Variants in RFTN2 observed in about 807,000 individuals in gnomAD.
The protein encoded by RFTN2 is raftlin family member 2.
Under a neutral mutation model 52.7 loss-of-function variants are expected in RFTN2, and 34 were observed. The ratio of observed to expected loss-of-function variants is 0.64; its 90% CI spans 0.49 to 0.86. The LOEUF is 0.86. Ranked by LOEUF, RFTN2 falls within the 40% of genes least tolerant of loss-of-function variation. RFTN2 has a pLI of 0.00. For missense variants in RFTN2, 536 were observed against 600.1 expected (o/e 0.89, Z 1.12); for synonymous variants, 203 against 217.7 (o/e 0.93, Z 0.59).
chr2:197,619,055 G>T (rs1468694211), intron 5 of RFTN2, among the ~76,000 whole-genome samples: 6 of 151,438 alleles, frequency 4.0e-5, no homozygotes, highest in African/African-American at 1.2e-4. Context: ...CGGGAGGTGA[G>T]GGGTGCCTCT....
chr2:197,619,884 T>C (rs2106217021), intron 5 of RFTN2, among the ~76,000 whole-genome samples: 1 of 150,342 alleles, frequency 6.7e-6, no homozygotes, highest in South Asian at 2.1e-4. Context: ...TTTTTTTTAC[T>C]TCACTGAATT....
chr2:197,613,475 C>T (rs1473964217), intron 7 of RFTN2, among the ~76,000 whole-genome samples: 1 of 152,200 alleles, frequency 6.6e-6, no homozygotes, highest in African/African-American at 2.4e-5. Flanking sequence ...CAGCTCATAA[C>T]CATTCCTCTA....
At chr2:197,671,458 A>G (rs2089146204) in intron 1 of RFTN2, among the ~76,000 whole-genome samples, 1 of 152,346 alleles carries the variant, frequency 6.6e-6, no homozygotes, top group East Asian at 1.9e-4. Context: ...CACTCATTCA[A>G]CAAAGAATAT....
intron 7 of RFTN2, among the ~76,000 whole-genome samples, chr2:197,605,365 G>C (rs1247979512): frequency 6.6e-6 from 1 of 151,900 alleles, no homozygotes; most frequent in South Asian, 2.1e-4. Flanking sequence ...ACAGGCGCCC[G>C]CCACCACGCC....
At chr2:197,608,860 CTTA>C (rs1461707592) in intron 7 of RFTN2, among the ~76,000 whole-genome samples, 35 of 151,932 alleles carry the variant, frequency 2.3e-4, no homozygotes, top group Non-Finnish European at 5.0e-4. Context: ...TCAACTCCCA[CTTA>C]TTAGTGAGAA....
chr2:197,599,043 C>T (rs1446378765), intron 7 of RFTN2, among the ~76,000 whole-genome samples: 1 of 151,962 alleles, frequency 6.6e-6, no homozygotes, highest in Non-Finnish European at 1.5e-5. Flanking sequence ...GCTCCGCCTC[C>T]CGGGTTCACG....
At chr2:197,660,107 T>C (rs1281052001) in intron 1 of RFTN2, among the ~76,000 whole-genome samples, 4 of 152,218 alleles carry the variant, frequency 2.6e-5, no homozygotes, top group Admixed American at 2.6e-4. Flanking sequence ...AGGCTGTGAT[T>C]GAACCCAGAC....
chr2:197,634,056 T>C (rs553917776), intron 3 of RFTN2, 59 bp from the exon 4 acceptor site: 17 of 1,401,134 alleles, frequency 1.2e-5, no homozygotes, highest in Non-Finnish European at 1.7e-5. Flanking sequence ...TTGATTACTT[T>C]ATCAATTAAC....
chr2:197,583,692 A>C lies in RFTN2; in HGVS notation c.1234-11412T>G, dbSNP rs929258241. Reference sequence around the variant, plus strand: ...TGTGCACAACATGCAGGTTTGTTACATATGTATACATGTGCCATGTTGGTG... The same window carrying C: ...TGTGCACAACATGCAGGTTTGTTACCTATGTATACATGTGCCATGTTGGTG... On this transcript the variant is annotated intron_variant, in intron 8 of 8. Transcript: ENST00000295049. Among the ~76,000 whole-genome samples, 3 of 150,694 alleles carry C rather than the reference A, an allele frequency of 2.0e-5. No homozygotes were observed. The South Asian group carries it at 6.3e-4, about 32-fold the overall frequency.
intron 2 of RFTN2, 74 bp from the exon 3 acceptor site, chr2:197,644,346 A>T: frequency 1.3e-6 from 1 of 791,120 alleles, no homozygotes; most frequent in Admixed American, 2.0e-5. Context: ...TGTGAAAATG[A>T]GTGAGCAACT....
At chr2:197,632,237 G>A (rs1047320367) in intron 4 of RFTN2, among the ~76,000 whole-genome samples, 1 of 152,098 alleles carries the variant, frequency 6.6e-6, no homozygotes, top group African/African-American at 2.4e-5. Flanking sequence ...ATTCTGATAC[G>A]GTTTGGCTGT....
chr2:197,613,418 GA>G (rs2088095458), intron 7 of RFTN2, among the ~76,000 whole-genome samples: 1 of 152,184 alleles, frequency 6.6e-6, no homozygotes, highest in Non-Finnish European at 1.5e-5. Context: ...GCTAAACAAT[GA>G]TGAAGCTATA....
intron 1 of RFTN2, among the ~76,000 whole-genome samples, chr2:197,653,024 A>C (rs1387286740): frequency 6.6e-6 from 1 of 152,222 alleles, no homozygotes; most frequent in Non-Finnish European, 1.5e-5. Context: ...TCATTAGTAT[A>C]TTCCTTGCTT....
chr2:197,643,489 A>G (rs1225550949), intron 3 of RFTN2, among the ~76,000 whole-genome samples: 1 of 152,140 alleles, frequency 6.6e-6, no homozygotes, highest in Non-Finnish European at 1.5e-5. Context: ...TTTACATTAA[A>G]CATTATTAGG....
intron 5 of RFTN2, among the ~76,000 whole-genome samples, chr2:197,627,532 G>T (rs940518996): frequency 6.6e-6 from 1 of 152,176 alleles, no homozygotes; most frequent in African/African-American, 2.4e-5. Flanking sequence ...ACTCTTCATT[G>T]TGCTACCTCT....
intron 7 of RFTN2, among the ~76,000 whole-genome samples, chr2:197,606,148 C>T (rs375026434): frequency 6.6e-6 from 1 of 152,150 alleles, no homozygotes; most frequent in Non-Finnish European, 1.5e-5. Flanking sequence ...CCCTCACACT[C>T]TCAATAACCA....
intron 7 of RFTN2, among the ~76,000 whole-genome samples, chr2:197,598,990 C>T (rs1027555601): frequency 2.0e-5 from 3 of 151,242 alleles, no homozygotes; most frequent in Admixed American, 6.6e-5. Flanking sequence ...CTCGCTCTGT[C>T]GCCCAGGCTG....
chr2:197,626,638 T>TTTTTA, intron 5 of RFTN2, among the ~76,000 whole-genome samples: 1 of 144,982 alleles, frequency 6.9e-6, no homozygotes. Flanking sequence ...TTTTTTTTTT[T>TTTTTA]TGAGACGGAG....
intron 8 of RFTN2, among the ~76,000 whole-genome samples, chr2:197,582,186 A>G (rs1407664147): frequency 6.6e-6 from 1 of 152,178 alleles, no homozygotes; most frequent in Admixed American, 6.5e-5. Flanking sequence ...AACTATGCTC[A>G]ACTCACTCTC....
Sources: gnomAD v4.1 joint callset for allele counts (sites outside exome capture counted in the v4.1 genomes callset) on GRCh38, gnomAD v4.1.1 for gene constraint, MANE v1.5 for transcripts, NCBI Gene and HGNC (gene_info 2026-07-23, HGNC 2026-07-21) for gene names.